Variants in SPON1 observed in about 807,000 individuals in gnomAD.
SPON1 encodes spondin-1.
In SPON1, 52 loss-of-function variants were observed where a neutral mutation model predicts 111.7. The ratio of observed to expected loss-of-function variants is 0.47; its 90% CI spans 0.37 to 0.59. The LOEUF (loss-of-function observed/expected upper bound fraction) is 0.59, where lower values mean the gene tolerates loss of function less well. SPON1 is among the 20% of genes least tolerant of loss of function. The pLI, the probability that SPON1 is intolerant of heterozygous loss-of-function variation, is 0.00. For synonymous variants in SPON1, 410 were observed against 395.8 expected (o/e 1.04, Z -0.43); for missense variants, 957 against 1,068.5 (o/e 0.90, Z 1.46).
chr11:14,067,010 C>CA (rs111994207), intron 3 of SPON1, among the ~76,000 whole-genome samples: 39 of 150,484 alleles, frequency 2.6e-4, no homozygotes, highest in Admixed American at 7.3e-4. Flanking sequence ...CCATCTATAC[C>CA]AAAAAAAAAT....
chr11:14,024,806 C>T (rs1278818571), intron 2 of SPON1, among the ~76,000 whole-genome samples: 1 of 152,228 alleles, frequency 6.6e-6, no homozygotes, highest in Non-Finnish European at 1.5e-5. Flanking sequence ...CCCTGCCCTA[C>T]TTCCGCATCA....
At chr11:14,075,895 T>A (rs1020926294) in intron 4 of SPON1, among the ~76,000 whole-genome samples, 5 of 152,270 alleles carry the variant, frequency 3.3e-5, no homozygotes, top group Middle Eastern at 6.8e-3. Flanking sequence ...ATCACCACAT[T>A]CAAGGATCTA....
At chr11:14,197,697 T>G (rs149112966) in intron 6 of SPON1, among the ~76,000 whole-genome samples, 30 of 150,012 alleles carry the variant, frequency 2.0e-4, no homozygotes, top group African/African-American at 6.8e-4. Flanking sequence ...GCACCTGTAG[T>G]CCCAGCTACT....
Position 14,135,618 on chromosome 11 carries a change from G to A in SPON1, c.825+50G>A. ...ACCAAATAACAGAAATGCAGTCAAAGCACTCCTTAGATATCTTTCCCAGGG... is the reference window on the plus strand; with the variant it reads ...ACCAAATAACAGAAATGCAGTCAAAACACTCCTTAGATATCTTTCCCAGGG... On this transcript the variant is annotated intron_variant, in intron 6 of 15. Transcript: ENST00000576479. The surrounding 1 kb of genome is among the most constrained non-coding windows in gnomAD (Gnocchi z 4.4). The A allele has an allele frequency of 6.3e-7, 1 of 1,576,538 alleles. No homozygotes were observed. The highest frequency in any genetic ancestry group is 8.7e-7 in the Non-Finnish European group (1 of 1,151,246).
intron 1 of SPON1, among the ~76,000 whole-genome samples, chr11:13,968,533 T>C (rs1196085235): frequency 1.3e-5 from 2 of 152,238 alleles, no homozygotes; most frequent in African/African-American, 4.8e-5. Flanking sequence ...ATTATAATTG[T>C]ATAAAGTAAA....
At chr11:14,147,519 G>C (rs965140152) in intron 6 of SPON1, among the ~76,000 whole-genome samples, 62 of 152,228 alleles carry the variant, frequency 4.1e-4, no homozygotes, top group African/African-American at 1.4e-3. Flanking sequence ...CAAGTTTCAA[G>C]TGATTCTCCT....
intron 6 of SPON1, among the ~76,000 whole-genome samples, chr11:14,217,639 G>A (rs1269172488): frequency 6.7e-6 from 1 of 148,576 alleles, no homozygotes; most frequent in Non-Finnish European, 1.5e-5. Context: ...GAAAAAACAT[G>A]GATTTTTTTT....
At chr11:14,177,440 G>C (rs1211014187) in intron 6 of SPON1, among the ~76,000 whole-genome samples, 1 of 152,120 alleles carries the variant, frequency 6.6e-6, no homozygotes, top group East Asian at 1.9e-4. Context: ...CTGTCTTCTT[G>C]TGCTGAGTCA....
chr11:14,135,428 A>G lies in SPON1; in HGVS notation c.685A>G (p.Asn229Asp). 6.2e-7 allele frequency: 1 copy of G among 1,608,446 alleles called. No individual in the cohort carries two copies. The highest frequency in any genetic ancestry group is 8.5e-7 in the Non-Finnish European group (1 of 1,175,346). The change falls in exon 6 of 16, where the codon AAC becomes GAC. Residue 229 changes from asparagine (N) to aspartate (D), a missense_variant. Asn to Asp is a conservative substitution (Grantham distance 23, BLOSUM62 1). This residue lies in a region of SPON1 where 122 missense variants were observed against 143.2 expected (regional missense o/e 0.85). Transcript: ENST00000576479. This position sits in a 1 kb window ranked among gnomAD's most constrained non-coding sequence, Gnocchi z 4.4. ...CTGATTGGCTTTCCCAGGTCGGGCC[A>G]ACCACTGGTCTGCGATCATCGGAGG... is the stretch of plus-strand genomic sequence containing the variant. ...THPKDYPRRA[N>D]HWSAIIGGSH... is the part of the protein sequence containing the mutation.
rs556316713 is a variant in SPON1 at position 14,262,934 on chromosome 11, G to T, written c.2219G>T (p.Ser740Ile). 2 of 1,613,570 alleles carry T rather than the reference G, an allele frequency of 1.2e-6. No homozygotes were observed. The highest frequency in any genetic ancestry group is 1.7e-6 in the Non-Finnish European group (2 of 1,179,876). ...RWREARESRR[S>I]EQLKEESEGE... ...AGGGAGGCCCGAGAGAGCCGGCGGA[G>T]TGAGCAGCTGAAGGAAGAGTCTGAA... Residue 740 changes from serine to isoleucine, a missense_variant, in exon 15 of 16, where the codon AGT (serine) becomes ATT (isoleucine). By Grantham distance (142) the Ser-to-Ile change is moderately radical. Around this residue, in one of 5 missense-constraint regions of SPON1, gnomAD observed 549 missense variants for 606.2 expected, o/e 0.91. Transcript: ENST00000576479.
intron 6 of SPON1, among the ~76,000 whole-genome samples, chr11:14,160,657 T>TTA (rs1222553349): frequency 0.42 from 10,607 of 25,324 alleles, 3,194 homozygotes; most frequent in Admixed American, 0.47. Context: ...ATTTATATAT[T>TTA]TATATATATA....
chr11:14,262,135 T>C (rs947872312), intron 14 of SPON1, among the ~76,000 whole-genome samples: 1 of 152,244 alleles, frequency 6.6e-6, no homozygotes, highest in Admixed American at 6.5e-5. Context: ...CCTGACCCTC[T>C]TCTCTACTGA....
chr11:14,232,680 A>G (rs1240889672), intron 6 of SPON1, among the ~76,000 whole-genome samples: 1 of 152,194 alleles, frequency 6.6e-6, no homozygotes, highest in Non-Finnish European at 1.5e-5. Context: ...ATACACTTGG[A>G]CATACAAACT....
intron 5 of SPON1, among the ~76,000 whole-genome samples, chr11:14,121,598 G>A (rs1564909676): frequency 6.6e-6 from 1 of 152,098 alleles, no homozygotes; most frequent in Non-Finnish European, 1.5e-5. Flanking sequence ...CACCCAGAAT[G>A]AGAAAACTTG....
intron 2 of SPON1, among the ~76,000 whole-genome samples, chr11:14,030,844 C>A (rs1425412816): frequency 1.3e-5 from 2 of 152,212 alleles, no homozygotes; most frequent in Non-Finnish European, 2.9e-5. Context: ...TTCCAGCAAT[C>A]CCATTACTGG....
At chr11:14,035,048 T>G (rs1247171057) in intron 2 of SPON1, among the ~76,000 whole-genome samples, 1 of 152,234 alleles carries the variant, frequency 6.6e-6, no homozygotes, top group African/African-American at 2.4e-5. Flanking sequence ...GAAGAGAGTC[T>G]AAGAACCTGT....
At chr11:14,027,379 C>T (rs1396364592) in intron 2 of SPON1, among the ~76,000 whole-genome samples, 1 of 152,288 alleles carries the variant, frequency 6.6e-6, no homozygotes, top group East Asian at 1.9e-4. Context: ...TTACCATGAG[C>T]TTCAATAATC....
rs546309474 is a variant in SPON1, at chr11:14,170,272, T to G, written c.825+34704T>G. Reference sequence around the variant, plus strand: ...CTTTGAAGCAATTGTGAATGGGAGTTCACTCATGATTTGGCTCTCTGTTTG... The same window carrying G: ...CTTTGAAGCAATTGTGAATGGGAGTGCACTCATGATTTGGCTCTCTGTTTG... On this transcript the variant is annotated intron_variant, in intron 6 of 15. Transcript: ENST00000576479. Among the ~76,000 whole-genome samples the G allele has an allele frequency of 3.3e-5, 5 of 152,262 alleles. No homozygotes were observed. In the South Asian group the frequency reaches 1.0e-3, roughly 32 times the overall value.
chr11:14,164,020 G>C (rs921275275), intron 6 of SPON1, among the ~76,000 whole-genome samples: 1 of 152,142 alleles, frequency 6.6e-6, no homozygotes, highest in Non-Finnish European at 1.5e-5. Context: ...TTACCTGATG[G>C]TCACTATTTA....
Sources: allele counts gnomAD v4.1 joint callset (sites outside exome capture counted in the v4.1 genomes callset), GRCh38; gene constraint gnomAD v4.1.1; regional missense constraint gnomAD v4.1.1; non-coding constraint Gnocchi (gnomAD v3.1); transcripts MANE v1.5; gene names NCBI Gene and HGNC (gene_info 2026-07-23, HGNC 2026-07-21).